The following USP42 variants were observed in gnomAD, a reference collection of about 807,000 sequenced individuals.
The protein encoded by USP42 is ubiquitin carboxyl-terminal hydrolase 42.
In USP42, 23 loss-of-function variants were observed where a neutral mutation model predicts 113.0. That is an observed-to-expected ratio of 0.20 (90% CI 0.15 to 0.29). The LOEUF is 0.29. Ranked by LOEUF, USP42 falls within the 10% of genes least tolerant of loss-of-function variation. The pLI, the probability that USP42 is intolerant of heterozygous loss-of-function variation, is 1.00. For synonymous variants in USP42, 933 were observed against 699.0 expected (o/e 1.33, Z -5.28); for missense variants, 2,174 against 1,779.8 (o/e 1.22, Z -3.99).
the USP42 span, among the ~76,000 whole-genome samples, chr7:6,091,420 G>A: frequency 6.7e-6 from 1 of 150,354 alleles, no homozygotes; most frequent in East Asian, 1.9e-4. Flanking sequence ...TAGAGACAGG[G>A]TCTCCCTATG....
At chr7:6,091,975 TTTTTTCTTCTTC>T in the USP42 span, among the ~76,000 whole-genome samples, 473 of 132,376 alleles carry the variant, frequency 3.6e-3, 31 homozygotes, top group African/African-American at 0.011. Context: ...CAAGGACGTA[TTTTTTCTTCTTC>T]TTCTTCTTCT....
chr7:6,128,256 C>CT (rs376183536), intron 3 of USP42: 12,901 of 134,792 alleles, frequency 0.096, 765 homozygotes, highest in African/African-American at 0.15. Flanking sequence ...CCTGGCCCTG[C>CT]TTTTTTTTTT....
chr7:6,094,604 T>C, the USP42 span, among the ~76,000 whole-genome samples: 2 of 151,244 alleles, frequency 1.3e-5, no homozygotes, highest in Admixed American at 6.6e-5. Context: ...CATTGTCACC[T>C]ATGATGGTTC....
chr7:6,150,394 T>G lies in USP42; in HGVS notation c.2107-18T>G. On this transcript the variant is annotated intron_variant, in intron 13 of 17. Transcript: ENST00000306177. The stretch of plus-strand genomic sequence containing the variant: ...GGAGCTGGCGACTGAAGCTGAAATA[T>G]TTTTGTTTTTATTGCAGTTGATGCC... 1 of 1,613,190 alleles carries G rather than the reference T, an allele frequency of 6.2e-7. No individual in the cohort carries two copies. The highest frequency in any genetic ancestry group is 1.1e-5 in the South Asian group (1 of 91,080).
At position 6,154,281 on chromosome 7, in the gene USP42, C is replaced by T. The variant is rs373979297; in HGVS notation, c.2727C>T (p.Ala909=). ...PPAPVLDMAP[A]GHPEGDAEPS... is the part of the protein sequence containing the mutation. ...CTCCTGTGCTGGACATGGCCCCGGC[C>T]GGTCACCCGGAAGGGGACGCTGAGC... is the stretch of plus-strand genomic sequence containing the variant. The change falls in exon 15 of 18, where the codon GCC becomes GCT. Residue 909 remains alanine (A), a synonymous_variant. Coordinates refer to ENST00000306177, the MANE Select transcript of USP42 (RefSeq NM_032172.3). 81 of 1,593,376 alleles carry T rather than the reference C, an allele frequency of 5.1e-5. No homozygotes were observed. The African/African-American group carries it at 7.6e-4, about 15-fold the overall frequency.
chr7:6,081,635 GC>G, the USP42 span: 1 of 152,234 alleles, frequency 6.6e-6, no homozygotes, highest in Non-Finnish European at 1.5e-5. Flanking sequence ...CGGCTACCAC[GC>G]GGGAGCACCC....
At chr7:6,082,062 G>T in the USP42 span, among the ~76,000 whole-genome samples, 1 of 151,658 alleles carries the variant, frequency 6.6e-6, no homozygotes, top group Non-Finnish European at 1.5e-5. Flanking sequence ...ATATTTGTAT[G>T]TGTAAATATA....
Position 6,139,005 on chromosome 7 carries a change from C to A in USP42, c.554-87C>A. The A allele has an allele frequency of 1.2e-6, 1 of 812,688 alleles. No homozygotes were observed. The highest frequency in any genetic ancestry group is 1.9e-6 in the Non-Finnish European group (1 of 525,828). The allele number at this position is 812,688 out of a possible 1,614,324, so 50.3% of individuals were successfully genotyped here. A position where few individuals can be genotyped will look rare whatever the true frequency, so the allele number is the denominator to read the frequency against. ...AAGTATTTGGGAGTTTTCCAACCAACATATTATTATAAGATATATTTTGGG... is the reference window on the plus strand; with the variant it reads ...AAGTATTTGGGAGTTTTCCAACCAAAATATTATTATAAGATATATTTTGGG... On this transcript the variant is annotated intron_variant, in intron 4 of 17. Coordinates refer to ENST00000306177, the MANE Select transcript of USP42 (RefSeq NM_032172.3). The surrounding 1 kb of genome is among the most constrained non-coding windows in gnomAD (Gnocchi z 4.5).
intron 3 of USP42, among the ~76,000 whole-genome samples, chr7:6,132,108 A>G (rs1266615558): frequency 1.3e-5 from 2 of 152,076 alleles, no homozygotes. Flanking sequence ...AATTTTTTGT[A>G]GAGACAGGAT....
At position 6,140,069 on chromosome 7, in the gene USP42, C is replaced by G; in HGVS notation, c.657-59C>G. On this transcript the variant is annotated intron_variant, in intron 5 of 17. Transcript: ENST00000306177. The stretch of plus-strand genomic sequence containing the variant: ...AGCTCCCATGTGTTTGAAATCTGGT[C>G]ACAGCATCTGGAGTTTTTGCAAAGC... 2.7e-6 allele frequency: 4 copies of G among 1,463,254 alleles called. No homozygotes were observed. The South Asian group carries it at 4.5e-5, about 17-fold the overall frequency. The allele number at this position is 1,463,254 out of a possible 1,614,324, so 90.6% of individuals were successfully genotyped here.
intron 15 of USP42, among the ~76,000 whole-genome samples, chr7:6,155,629 A>T (rs1305756397): frequency 6.6e-6 from 1 of 152,210 alleles, no homozygotes; most frequent in African/African-American, 2.4e-5. Context: ...AGGGAGGCAG[A>T]CAACAGGAGG....
chr7:6,142,892 G>A, intron 7 of USP42, 40 bp from the exon 8 acceptor site: 1 of 1,599,478 alleles, frequency 6.3e-7, no homozygotes, highest in South Asian at 1.1e-5. Context: ...ACAAGTGACG[G>A]TGTGCGGTGA....
chr7:6,143,424 T>A (rs1781538549), intron 8 of USP42, among the ~76,000 whole-genome samples: 1 of 152,112 alleles, frequency 6.6e-6, no homozygotes, highest in South Asian at 2.1e-4. Context: ...CCTTCTCTCT[T>A]AGGGTGGGTT....
At chr7:6,128,829 G>A (rs1378160248) in intron 3 of USP42, among the ~76,000 whole-genome samples, 1 of 132,112 alleles carries the variant, frequency 7.6e-6, no homozygotes, top group Non-Finnish European at 1.5e-5. Flanking sequence ...TTTCTTTTTT[G>A]GGGGTGGGTC....
chr7:6,112,993 T>G (rs947708464), intron 2 of USP42, among the ~76,000 whole-genome samples: 1 of 148,196 alleles, frequency 6.7e-6, no homozygotes, highest in African/African-American at 2.5e-5. Context: ...AATCTCTGCC[T>G]GCTGGGTTCA....
At chr7:6,085,692 A>G in the USP42 span, among the ~76,000 whole-genome samples, 1 of 148,852 alleles carries the variant, frequency 6.7e-6, no homozygotes, top group Non-Finnish European at 1.5e-5. Flanking sequence ...TCAGCTCACC[A>G]GAGCCTCTGC....
intron 6 of USP42, 35 bp downstream of exon 6, chr7:6,140,230 A>C (rs757475270): frequency 6.3e-7 from 1 of 1,574,834 alleles, no homozygotes; most frequent in South Asian, 1.1e-5. Context: ...AAAATGATAC[A>C]CACATGTGGT....
intron 3 of USP42, among the ~76,000 whole-genome samples, chr7:6,122,989 G>A (rs1329882726): frequency 6.6e-6 from 1 of 151,832 alleles, no homozygotes; most frequent in African/African-American, 2.4e-5. Context: ...ACACCTGACT[G>A]ATTTTTGTAT....
At chr7:6,147,006 T>TTCAC (rs771476803) in intron 11 of USP42, among the ~76,000 whole-genome samples, 5 of 152,246 alleles carry the variant, frequency 3.3e-5, no homozygotes, top group Non-Finnish European at 7.3e-5. Flanking sequence ...GCATACGCTT[T>TTCAC]TCACTCACTC....
Sources: allele counts gnomAD v4.1 joint callset (sites outside exome capture counted in the v4.1 genomes callset), GRCh38; gene constraint gnomAD v4.1.1; non-coding constraint Gnocchi (gnomAD v3.1); transcripts MANE v1.5; gene names NCBI Gene and HGNC (gene_info 2026-07-23, HGNC 2026-07-21).